The following KIAA0930 variants were observed in gnomAD, a reference collection of about 807,000 sequenced individuals.
The protein encoded by KIAA0930 is uncharacterized protein KIAA0930.
KIAA0930 carries 24 observed loss-of-function variants against 43.9 expected under a neutral mutation model. The ratio of observed to expected loss-of-function variants is 0.55; its 90% CI spans 0.40 to 0.77. KIAA0930 has a LOEUF of 0.77. KIAA0930 is among the 30% of genes least tolerant of loss of function. The pLI, the probability that KIAA0930 is intolerant of heterozygous loss-of-function variation, is 0.00. For missense variants in KIAA0930, 461 were observed against 574.2 expected, an observed-to-expected ratio of 0.80 and a Z score of 2.02; for synonymous variants, 259 against 216.4, an observed-to-expected ratio of 1.20 and a Z score of -1.73.
intron 3 of KIAA0930, 23 bp downstream of exon 3, chr22:45,205,770 G>GGCC: frequency 6.6e-7 from 1 of 1,523,784 alleles, no homozygotes; most frequent in Non-Finnish European, 9.1e-7. Context: ...CCAATCCGCA[G>GGCC]CCCCACCCAT....
intron 1 of KIAA0930, among the ~76,000 whole-genome samples, chr22:45,223,252 A>G (rs2083777967): frequency 6.6e-6 from 1 of 152,266 alleles, no homozygotes; most frequent in African/African-American, 2.4e-5. Context: ...TCCAAGGAAG[A>G]AAGTTCTCTA....
intron 1 of KIAA0930, among the ~76,000 whole-genome samples, chr22:45,236,979 A>G (rs2083891822): frequency 6.6e-6 from 1 of 152,168 alleles, no homozygotes; most frequent in African/African-American, 2.4e-5. Context: ...CAGGACTCAC[A>G]CCAGGTCTTG....
Position 45,194,110 on chromosome 22 carries a change from C to G in KIAA0930, c.*3066G>C. ...TTTTTTTGAGACAGAGTTTCGCTCTCGTTGCCCAGGCTAGAATGCAATGGC... is the reference window on the plus strand; with the variant it reads ...TTTTTTTGAGACAGAGTTTCGCTCTGGTTGCCCAGGCTAGAATGCAATGGC... On this transcript the variant is annotated 3_prime_UTR_variant, in exon 10 of 10. Coordinates refer to ENST00000336156, the MANE Select transcript of KIAA0930 (RefSeq NM_001009880.2). 9.0e-6 allele frequency: 1 copy of G among 110,532 alleles called. No homozygotes were observed. The highest frequency in any genetic ancestry group is 3.2e-4 in the East Asian group (1 of 3,128). The allele number at this position is 110,532 out of a possible 1,614,324, so 6.8% of individuals were successfully genotyped here.
intron 1 of KIAA0930, among the ~76,000 whole-genome samples, chr22:45,222,351 T>C (rs1207284578): frequency 6.6e-6 from 1 of 152,226 alleles, no homozygotes; most frequent in Non-Finnish European, 1.5e-5. Context: ...GGTCCCACTC[T>C]GTCACCTAGG....
chr22:45,240,751 GGGCGGC>G lies in KIAA0930; in HGVS notation c.-54_-49del. The G allele has an allele frequency of 9.8e-7, 1 of 1,015,702 alleles. No individual in the cohort carries two copies. Among genetic ancestry groups the G allele is most frequent in the Non-Finnish European group, 1.2e-6 (1 of 830,954 alleles). 62.9% of individuals were successfully genotyped at this position (1,015,702 alleles called of 1,614,324 possible). ...GCCTCGGCGCCGCCCGCAGGCTCGG[GGGCGGC>G]GGCGGCGGGGAGGGCGGGCGGCCCG... is the stretch of plus-strand genomic sequence containing the variant. On this transcript the variant is annotated 5_prime_UTR_variant, in exon 1 of 10. Coordinates refer to ENST00000336156, the MANE Select transcript of KIAA0930 (RefSeq NM_001009880.2).
chr22:45,231,688 G>T (rs1481153633), intron 1 of KIAA0930, among the ~76,000 whole-genome samples: 5 of 152,178 alleles, frequency 3.3e-5, no homozygotes, highest in African/African-American at 1.2e-4. Flanking sequence ...GGTAAAAACT[G>T]CAGAGAAGGT....
At position 45,203,041 on chromosome 22, in the gene KIAA0930, G is replaced by C. The variant is rs570712471; in HGVS notation, c.801C>G (p.Ser267=). ...AVSRVSTGDT[S]PCGTEEDSSP... is the part of the protein sequence containing the mutation. ...TGGAGTCCTCTTCAGTCCCACAGGG[G>C]GATGTGTCACCTGTAGACACTCGGC... The change falls in exon 7 of 10, where the codon TCC becomes TCG. Residue 267 remains serine, a synonymous_variant. Coordinates refer to ENST00000336156, the MANE Select transcript of KIAA0930 (RefSeq NM_001009880.2). The C allele has an allele frequency of 5.6e-6, 9 of 1,613,432 alleles. No homozygotes were observed. The Admixed American group carries it at 6.7e-5, about 12-fold the overall frequency.
chr22:45,200,097 C>T (rs1246811953), intron 7 of KIAA0930, 62 bp from the exon 8 acceptor site: 13 of 1,483,194 alleles, frequency 8.8e-6, no homozygotes, highest in South Asian at 5.2e-5. Flanking sequence ...GGGGTCCCAA[C>T]GCCCCTCCTA....
chr22:45,211,198 T>C (rs1022164282), intron 2 of KIAA0930: 2 of 382,492 alleles, frequency 5.2e-6, no homozygotes, highest in Non-Finnish European at 9.2e-6. Flanking sequence ...CCAGGCAGGC[T>C]GCAAGTTCCA....
intron 1 of KIAA0930, among the ~76,000 whole-genome samples, chr22:45,212,673 C>T (rs1400239652): frequency 2.0e-5 from 3 of 152,270 alleles, no homozygotes; most frequent in Admixed American, 2.0e-4. Context: ...GCTTCGTGCT[C>T]ATCTGATCCT....
intron 2 of KIAA0930, among the ~76,000 whole-genome samples, chr22:45,210,207 G>A (rs1210381526): frequency 6.6e-6 from 1 of 152,192 alleles, no homozygotes; most frequent in Non-Finnish European, 1.5e-5. Flanking sequence ...AACATTTGGG[G>A]GTGGGAGAAA....
At chr22:45,237,342 G>C (rs2083893725) in intron 1 of KIAA0930, among the ~76,000 whole-genome samples, 1 of 152,220 alleles carries the variant, frequency 6.6e-6, no homozygotes. Flanking sequence ...ACAAGGCAGG[G>C]ATCAGGGCCC....
chr22:45,212,433 C>T, intron 1 of KIAA0930: 1 of 1,497,652 alleles, frequency 6.7e-7, no homozygotes, highest in Non-Finnish European at 8.9e-7. Flanking sequence ...GCCAGGAACG[C>T]CACTGGCTGG....
At chr22:45,218,698 C>A (rs1423055729) in intron 1 of KIAA0930, among the ~76,000 whole-genome samples, 1 of 152,148 alleles carries the variant, frequency 6.6e-6, no homozygotes, top group African/African-American at 2.4e-5. Flanking sequence ...AAGCCCACAT[C>A]CTTATCCTTA....
At chr22:45,226,133 C>T (rs6007506) in intron 1 of KIAA0930, 144,438 of 410,848 alleles carry the variant, frequency 0.35, 26,397 homozygotes, top group South Asian at 0.46. Flanking sequence ...AGAGAGCACG[C>T]GGCAGCCTCT....
At chr22:45,220,878 G>A (rs1601821143) in intron 1 of KIAA0930, among the ~76,000 whole-genome samples, 1 of 151,286 alleles carries the variant, frequency 6.6e-6, no homozygotes, top group Non-Finnish European at 1.5e-5. Context: ...ACTGTGCCCG[G>A]CCCCCCCAAC....
chr22:45,210,827 G>GCCTGCCCGAGTGTGGCTCTAGTCCCTGC (rs1555898934), intron 2 of KIAA0930, among the ~76,000 whole-genome samples: 1 of 54,318 alleles, frequency 1.8e-5, no homozygotes, highest in Non-Finnish European at 3.7e-5. Context: ...CTGCACACCC[G>GCCTGCCCGAGTGTGGCTCTAGTCCCTGC]CCACTGAAAC....
chr22:45,205,578 C>A, intron 4 of KIAA0930, 52 bp downstream of exon 4: 9 of 1,563,476 alleles, frequency 5.8e-6, no homozygotes, highest in Middle Eastern at 1.7e-4. Context: ...CTCTGCCACG[C>A]CCAGCCTGAA....
At chr22:45,213,469 T>C (rs1464518473) in intron 1 of KIAA0930, 3 of 1,220,148 alleles carry the variant, frequency 2.5e-6, no homozygotes, top group South Asian at 2.9e-5. Context: ...TGGCAAGACC[T>C]CCCAGGCTCA....
Sources: gnomAD v4.1 joint callset for allele counts (sites outside exome capture counted in the v4.1 genomes callset) on GRCh38, gnomAD v4.1.1 for gene constraint, MANE v1.5 for transcripts, NCBI Gene and HGNC (gene_info 2026-07-23, HGNC 2026-07-21) for gene names.